Variants in SMAP1 observed in about 807,000 individuals in gnomAD.
The protein encoded by SMAP1 is stromal membrane-associated protein 1.
Under a neutral mutation model 58.5 loss-of-function variants are expected in SMAP1, and 24 were observed. That is an observed-to-expected ratio of 0.41 (90% confidence interval 0.30 to 0.58). SMAP1 has a LOEUF of 0.58. SMAP1 is among the 20% of genes least tolerant of loss of function. The pLI is 0.29. For synonymous variants in SMAP1, 216 were observed against 196.6 expected, an observed-to-expected ratio of 1.10 and a Z score of -0.82; for missense variants, 563 against 566.3, an observed-to-expected ratio of 0.99 and a Z score of 0.06.
chr6:70,740,327 AG>A (rs1272126447), intron 2 of SMAP1, among the ~76,000 whole-genome samples: 3 of 152,174 alleles, frequency 2.0e-5, no homozygotes, highest in Non-Finnish European at 4.4e-5. Context: ...TGGGAGGCCA[AG>A]GTGGGTGGAT....
At chr6:70,791,840 C>A in intron 5 of SMAP1, 71 bp downstream of exon 5, 1 of 1,252,382 alleles carries the variant, frequency 8.0e-7, no homozygotes, top group East Asian at 2.4e-5. Context: ...TGCAGTGTGT[C>A]ATTCGGGAAC....
intron 4 of SMAP1, among the ~76,000 whole-genome samples, chr6:70,784,937 T>G (rs906506863): frequency 6.6e-6 from 1 of 152,116 alleles, no homozygotes; most frequent in African/African-American, 2.4e-5. Context: ...AGAACTCAGC[T>G]CTGCACCAAG....
chr6:70,707,272 C>T (rs898077012), intron 1 of SMAP1, among the ~76,000 whole-genome samples: 3 of 152,098 alleles, frequency 2.0e-5, no homozygotes, highest in African/African-American at 7.2e-5. Flanking sequence ...CATTCTTTCT[C>T]TTTTCATGAA....
intron 4 of SMAP1, among the ~76,000 whole-genome samples, chr6:70,789,760 A>G (rs992026862): frequency 1.3e-5 from 2 of 150,732 alleles, no homozygotes; most frequent in African/African-American, 4.9e-5. Context: ...GGTTACTGAA[A>G]TGAAAAAGGT....
At chr6:70,743,572 G>A (rs1291314042) in intron 2 of SMAP1, among the ~76,000 whole-genome samples, 1 of 152,154 alleles carries the variant, frequency 6.6e-6, no homozygotes, top group Non-Finnish European at 1.5e-5. Context: ...TAAGCTTTCA[G>A]TAAACAATTC....
intron 4 of SMAP1, among the ~76,000 whole-genome samples, chr6:70,774,320 C>T (rs1169676736): frequency 6.6e-6 from 1 of 152,130 alleles, no homozygotes; most frequent in Non-Finnish European, 1.5e-5. Flanking sequence ...TAATTATATT[C>T]TAAGGCTAAT....
intron 1 of SMAP1, among the ~76,000 whole-genome samples, chr6:70,674,429 A>G (rs907817538): frequency 1.6e-4 from 25 of 152,060 alleles, no homozygotes; most frequent in African/African-American, 6.0e-4. Context: ...GCTTATTTCA[A>G]ACGCTTCTAC....
chr6:70,786,296 C>T (rs1458266352), intron 4 of SMAP1, among the ~76,000 whole-genome samples: 3 of 145,690 alleles, frequency 2.1e-5, no homozygotes, highest in South Asian at 2.3e-4. Context: ...ATTGGTGGGA[C>T]GTATCTCAAA....
chr6:70,676,630 T>C (rs192546821), intron 1 of SMAP1, among the ~76,000 whole-genome samples: 26 of 152,312 alleles, frequency 1.7e-4, no homozygotes, highest in Non-Finnish European at 3.5e-4. Flanking sequence ...CTTAAGGTTT[T>C]TCTCAGATTA....
intron 6 of SMAP1, among the ~76,000 whole-genome samples, chr6:70,804,376 C>T (rs1274476266): frequency 6.6e-6 from 1 of 151,176 alleles, no homozygotes; most frequent in Non-Finnish European, 1.5e-5. Context: ...TATTTTGAGC[C>T]TATGTGTGTC....
chr6:70,750,022 G>A (rs1459731582), intron 2 of SMAP1, among the ~76,000 whole-genome samples: 1 of 152,116 alleles, frequency 6.6e-6, no homozygotes. Context: ...GGAATTTCAG[G>A]TGGTATGTCA....
intron 4 of SMAP1, among the ~76,000 whole-genome samples, chr6:70,784,144 TATTC>T (rs1421695431): frequency 6.6e-6 from 1 of 152,162 alleles, no homozygotes; most frequent in Non-Finnish European, 1.5e-5. Context: ...TGGGGGCCAA[TATTC>T]AGCATTCTTA....
intron 1 of SMAP1, among the ~76,000 whole-genome samples, chr6:70,721,151 A>G (rs757285243): frequency 1.3e-5 from 2 of 152,220 alleles, no homozygotes; most frequent in Non-Finnish European, 2.9e-5. Context: ...TCTATCGCAT[A>G]GTCAGGCTGC....
At chr6:70,763,039 C>A (rs550658734) in intron 3 of SMAP1, among the ~76,000 whole-genome samples, 1 of 148,280 alleles carries the variant, frequency 6.7e-6, no homozygotes, top group Non-Finnish European at 1.5e-5. Flanking sequence ...GTAAAACCAT[C>A]GTAGTATTCT....
Position 70,773,411 on chromosome 6 carries a change from A to G in SMAP1, c.400A>G (p.Ile134Val), listed in dbSNP as rs775741070. ...GAAGAAATACTACGATAAAAATGCC[A>G]TAGCTATTACAAATGTAAGTAAAAC... ...EKKKYYDKNA[I>V]AITNISSSDA... Residue 134 changes from isoleucine to valine, a missense_variant, in exon 4 of 11, where the codon ATA (isoleucine) becomes GTA (valine). By Grantham distance (29) the Ile-to-Val change is conservative. Coordinates refer to ENST00000370455, the MANE Select transcript of SMAP1 (RefSeq NM_001044305.3). The G allele has an allele frequency of 8.3e-6, 13 of 1,557,708 alleles. No homozygotes were observed. The highest frequency in any genetic ancestry group is 1.8e-5 in the Admixed American group (1 of 56,728).
At chr6:70,767,241 G>A (rs1200725152) in intron 3 of SMAP1, among the ~76,000 whole-genome samples, 2 of 151,336 alleles carry the variant, frequency 1.3e-5, no homozygotes, top group South Asian at 2.1e-4. Flanking sequence ...CTCTTTTTTG[G>A]TTCCATATGA....
chr6:70,773,193 A>G (rs1767400402), intron 3 of SMAP1, 157 bp from the exon 4 acceptor site: 3 of 533,844 alleles, frequency 5.6e-6, no homozygotes, highest in Non-Finnish European at 1.0e-5. Flanking sequence ...AAAGAAAAGT[A>G]GTTTACAGAA....
At chr6:70,766,603 T>C (rs1766998804) in intron 3 of SMAP1, among the ~76,000 whole-genome samples, 1 of 152,196 alleles carries the variant, frequency 6.6e-6, no homozygotes, top group African/African-American at 2.4e-5. Context: ...GTTTGTTTTT[T>C]TCTTGTAAAT....
chr6:70,724,166 T>G (rs139666441), intron 1 of SMAP1, among the ~76,000 whole-genome samples: 135 of 151,954 alleles, frequency 8.9e-4, no homozygotes, highest in East Asian at 3.1e-3. Flanking sequence ...TGTTGTTGTT[T>G]TTTTGTTTTT....
Sources: gnomAD v4.1 joint callset for allele counts (sites outside exome capture counted in the v4.1 genomes callset) on GRCh38, gnomAD v4.1.1 for gene constraint, MANE v1.5 for transcripts, NCBI Gene and HGNC (gene_info 2026-07-23, HGNC 2026-07-21) for gene names.